The following ATP6V0A4 variants were observed in gnomAD, a reference collection of about 807,000 sequenced individuals.
ATP6V0A4 encodes the protein ATPase H+ transporting V0 subunit a4, also known as V-type proton ATPase 116 kDa subunit a 4.
In ATP6V0A4, 86 loss-of-function variants were observed where a neutral mutation model predicts 107.3. That is an observed-to-expected ratio of 0.80 (90% CI 0.67 to 0.96). ATP6V0A4 has a LOEUF of 0.96. Among genes scored for constraint, ATP6V0A4 ranks in the 40% least tolerant of loss-of-function variants. ATP6V0A4 has a pLI of 0.00. For missense variants in ATP6V0A4, 908 were observed against 1,045.6 expected (o/e 0.87, Z 1.81); for synonymous variants, 353 against 381.4 (o/e 0.93, Z 0.87).
At chr7:138,740,780 G>A (rs1400738498) in intron 14 of ATP6V0A4, among the ~76,000 whole-genome samples, 2 of 151,936 alleles carry the variant, frequency 1.3e-5, no homozygotes, top group Non-Finnish European at 2.9e-5. Flanking sequence ...TTAAGGGGAT[G>A]AGAATGTTGA....
intron 9 of ATP6V0A4, 58 bp downstream of exon 9, chr7:138,756,400 T>C: frequency 6.2e-7 from 1 of 1,603,716 alleles, no homozygotes; most frequent in Non-Finnish European, 8.5e-7. Context: ...GCATTGCACA[T>C]CTCTTTATCT....
At chr7:138,709,418 G>C (rs1803620303) in intron 21 of ATP6V0A4, among the ~76,000 whole-genome samples, 1 of 151,846 alleles carries the variant, frequency 6.6e-6, no homozygotes, top group South Asian at 2.1e-4. Context: ...GAATGAGTGT[G>C]TGTGTATATA....
intron 16 of ATP6V0A4, among the ~76,000 whole-genome samples, chr7:138,733,801 C>G (rs774520819): frequency 3.9e-5 from 6 of 152,074 alleles, no homozygotes; most frequent in Non-Finnish European, 8.8e-5. Context: ...TGGTCTTGAA[C>G]TCCTGACCTC....
intron 15 of ATP6V0A4, 95 bp downstream of exon 15, chr7:138,739,445 G>T: frequency 6.9e-7 from 1 of 1,447,130 alleles, no homozygotes. Context: ...CAAGTTTGTT[G>T]ATTTGACAGG....
At position 138,740,112 on chromosome 7, in the gene ATP6V0A4, A is replaced by G. The variant is rs1168507572; in HGVS notation, c.1479-479T>C. Among the ~76,000 whole-genome samples, 8 of 148,982 alleles carry G rather than the reference A, an allele frequency of 5.4e-5. No homozygotes were observed. In the South Asian group the frequency reaches 1.3e-3, roughly 24 times the overall value. ...TCTGTTGAAAGGAAAAAAAAAAAAA[A>G]GGGAGAAGGGGGAGAGGGGACAGAA... On this transcript the variant is annotated intron_variant, in intron 14 of 21. Coordinates refer to ENST00000310018, the MANE Select transcript of ATP6V0A4 (RefSeq NM_020632.3).
At chr7:138,761,589 C>T (rs1360863958) in intron 7 of ATP6V0A4, among the ~76,000 whole-genome samples, 1 of 151,652 alleles carries the variant, frequency 6.6e-6, no homozygotes, top group East Asian at 1.9e-4. Context: ...CGAGATCAGG[C>T]CACTGCACTC....
intron 15 of ATP6V0A4, among the ~76,000 whole-genome samples, chr7:138,736,556 C>T (rs1805330425): frequency 6.6e-6 from 1 of 151,964 alleles, no homozygotes; most frequent in African/African-American, 2.4e-5. Flanking sequence ...GGAGTTAGGG[C>T]TGCTGTTTTT....
chr7:138,711,858 T>C (rs1803759616), intron 20 of ATP6V0A4, among the ~76,000 whole-genome samples: 2 of 152,226 alleles, frequency 1.3e-5, no homozygotes, highest in African/African-American at 4.8e-5. Context: ...CAGACACCCA[T>C]GAGCATGTCT....
rs554385685 is a variant in ATP6V0A4 at position 138,792,311 on chromosome 7, G to A, written c.-121+5723C>T. On this transcript the variant is annotated intron_variant, in intron 1 of 21. Coordinates refer to ENST00000310018, the MANE Select transcript of ATP6V0A4 (RefSeq NM_020632.3). ...AGTGGGTAAATGGAGTTAAAGTTCTGAGGTCTTCATATTATCTATGAAAGT... is the reference window on the plus strand; with the variant it reads ...AGTGGGTAAATGGAGTTAAAGTTCTAAGGTCTTCATATTATCTATGAAAGT... 2.6e-4 allele frequency among the ~76,000 whole-genome samples: 39 copies of A among 152,246 alleles called. No homozygotes were observed. In the South Asian group the frequency reaches 7.7e-3, roughly 30 times the overall value.
rs1804015016 is a variant in ATP6V0A4 at position 138,715,975 on chromosome 7, C to T, written c.2140-94G>A. ...AAAGATGAATAAGACATGGGCTTTG[C>T]TGTTCAGACACTTTCAGTCTAACTA... On this transcript the variant is annotated intron_variant, in intron 19 of 21. Coordinates refer to ENST00000310018, the MANE Select transcript of ATP6V0A4 (RefSeq NM_020632.3). 1.5e-5 allele frequency: 23 copies of T among 1,524,042 alleles called. No homozygotes were observed. In the South Asian group the frequency reaches 2.5e-4, roughly 16 times the overall value. 94.4% of individuals were successfully genotyped at this position (1,524,042 alleles called of 1,614,324 possible).
chr7:138,737,036 T>C (rs555496800), intron 15 of ATP6V0A4, among the ~76,000 whole-genome samples: 1 of 147,798 alleles, frequency 6.8e-6, no homozygotes, highest in Non-Finnish European at 1.5e-5. Flanking sequence ...ATTTTGTGAT[T>C]TGATTCACAA....
intron 20 of ATP6V0A4, among the ~76,000 whole-genome samples, chr7:138,713,797 G>A (rs112196756): frequency 2.5e-3 from 380 of 152,110 alleles, no homozygotes; most frequent in Middle Eastern, 0.01. Context: ...GGAGTACTGC[G>A]TCTTCAGGAG....
At chr7:138,785,466 A>C (rs4302792) in intron 2 of ATP6V0A4, among the ~76,000 whole-genome samples, 10,160 of 151,808 alleles carry the variant, frequency 0.067, 355 homozygotes, top group African/African-American at 0.077. Context: ...TAGTGGAGAC[A>C]GGGTTTCACC....
intron 21 of ATP6V0A4, among the ~76,000 whole-genome samples, chr7:138,708,021 A>T (rs561494184): frequency 8.7e-4 from 88 of 101,110 alleles, no homozygotes; most frequent in African/African-American, 4.0e-3. Flanking sequence ...GTTTTATTTT[A>T]TTTATTTATT....
chr7:138,765,917 T>C (rs1305067993), intron 5 of ATP6V0A4, among the ~76,000 whole-genome samples: 1 of 152,038 alleles, frequency 6.6e-6, no homozygotes, highest in East Asian at 1.9e-4. Context: ...ACCCAGCTGA[T>C]TATTTTTATT....
intron 18 of ATP6V0A4, among the ~76,000 whole-genome samples, chr7:138,724,211 G>C (rs1465924653): frequency 7.6e-6 from 1 of 130,728 alleles, no homozygotes; most frequent in South Asian, 2.4e-4. Context: ...AAAAAAAAAA[G>C]TGTGTGTATA....
At chr7:138,735,122 G>A (rs1391628175) in intron 15 of ATP6V0A4, among the ~76,000 whole-genome samples, 1 of 152,090 alleles carries the variant, frequency 6.6e-6, no homozygotes, top group Non-Finnish European at 1.5e-5. Flanking sequence ...CTGACATGAG[G>A]AAAAGCACAC....
chr7:138,767,194 C>T (rs1807133164), intron 5 of ATP6V0A4, among the ~76,000 whole-genome samples: 2 of 152,190 alleles, frequency 1.3e-5, no homozygotes. Context: ...AAATATTTTA[C>T]ATACTTTTCC....
At chr7:138,730,266 A>G (rs1365314669) in intron 17 of ATP6V0A4, among the ~76,000 whole-genome samples, 1 of 152,070 alleles carries the variant, frequency 6.6e-6, no homozygotes, top group Non-Finnish European at 1.5e-5. Flanking sequence ...ACCCGCACAC[A>G]ATGCTGTCTC....
Sources: gnomAD v4.1 joint callset for allele counts (sites outside exome capture counted in the v4.1 genomes callset) on GRCh38, gnomAD v4.1.1 for gene constraint, MANE v1.5 for transcripts, NCBI Gene and HGNC (gene_info 2026-07-23, HGNC 2026-07-21) for gene names.